The following CCDC181 variants were observed in gnomAD, a reference collection of about 807,000 sequenced individuals.
The protein encoded by CCDC181 is coiled-coil domain containing 181.
Under a neutral mutation model 58.7 loss-of-function variants are expected in CCDC181, and 35 were observed. The observed-to-expected ratio is 0.60, with a 90% CI of 0.46 to 0.79. The LOEUF is 0.79. Ranked by LOEUF, CCDC181 falls within the 30% of genes least tolerant of loss-of-function variation. CCDC181 has a pLI of 0.00. For synonymous variants in CCDC181, 183 were observed against 197.5 expected (o/e 0.93, Z 0.62); for missense variants, 517 against 583.9 (o/e 0.89, Z 1.18).
intron 4 of CCDC181, among the ~76,000 whole-genome samples, chr1:169,405,285 T>C (rs1011618815): frequency 1.3e-5 from 2 of 152,204 alleles, no homozygotes; most frequent in African/African-American, 2.4e-5. Context: ...AATGACTTTC[T>C]TCACAGAATG....
intron 2 of CCDC181, among the ~76,000 whole-genome samples, chr1:169,447,235 C>T (rs1657402010): frequency 6.6e-6 from 1 of 152,132 alleles, no homozygotes. Flanking sequence ...GCCTTAGCCT[C>T]CCGAGTAGCT....
At chr1:169,400,059 G>A (rs1339601886) in intron 4 of CCDC181, among the ~76,000 whole-genome samples, 2 of 152,170 alleles carry the variant, frequency 1.3e-5, no homozygotes, top group Non-Finnish European at 2.9e-5. Context: ...TGTAGAGTGA[G>A]GCTCTGTAAG....
chr1:169,444,369 G>C (rs539884518), intron 2 of CCDC181, among the ~76,000 whole-genome samples: 2 of 152,108 alleles, frequency 1.3e-5, no homozygotes, highest in Non-Finnish European at 2.9e-5. Context: ...TGTTATCCTC[G>C]CATTAATTTT....
At chr1:169,407,009 A>G (rs556970899) in intron 4 of CCDC181, among the ~76,000 whole-genome samples, 2 of 151,534 alleles carry the variant, frequency 1.3e-5, no homozygotes, top group East Asian at 3.9e-4. Flanking sequence ...GTCTTCTAAC[A>G]TACGTAAAAT....
intron 1 of CCDC181, among the ~76,000 whole-genome samples, chr1:169,425,201 C>G (rs1656662721): frequency 6.6e-6 from 1 of 152,054 alleles, no homozygotes; most frequent in African/African-American, 2.4e-5. Context: ...GGTTCCTTTT[C>G]CCTCTCAAGA....
intron 2 of CCDC181, among the ~76,000 whole-genome samples, chr1:169,453,339 A>G (rs1657597595): frequency 2.0e-5 from 3 of 152,124 alleles, no homozygotes; most frequent in Non-Finnish European, 4.4e-5. Context: ...CTACAACATA[A>G]CTACATCTTG....
intron 2 of CCDC181, among the ~76,000 whole-genome samples, chr1:169,445,272 G>A (rs187325508): frequency 6.6e-6 from 1 of 152,284 alleles, no homozygotes; most frequent in Non-Finnish European, 1.5e-5. Flanking sequence ...TTTAGGTGTA[G>A]CGTTTTTGTA....
chr1:169,441,173 A>G (rs1331665946), intron 2 of CCDC181, among the ~76,000 whole-genome samples: 1 of 152,126 alleles, frequency 6.6e-6, no homozygotes, highest in African/African-American at 2.4e-5. Context: ...AGTAGTATAT[A>G]TATTTAAGTC....
intron 2 of CCDC181, chr1:169,443,128 G>A (rs1657282199): frequency 6.6e-6 from 1 of 151,524 alleles, no homozygotes. Flanking sequence ...TCACACCAAA[G>A]GCTGGAGACC....
intron 2 of CCDC181, chr1:169,452,476 C>A: frequency 6.6e-6 from 1 of 152,060 alleles, no homozygotes; most frequent in Non-Finnish European, 1.5e-5. Context: ...AGAAATGGGG[C>A]AGGAGGTAGA....
At chr1:169,396,961 G>T (rs1009440439) in intron 5 of CCDC181, among the ~76,000 whole-genome samples, 4 of 151,888 alleles carry the variant, frequency 2.6e-5, no homozygotes, top group Non-Finnish European at 5.9e-5. Flanking sequence ...AGGTATCAAA[G>T]GCTATCACAC....
At chr1:169,401,759 G>A (rs188633354) in intron 4 of CCDC181, among the ~76,000 whole-genome samples, 91 of 152,314 alleles carry the variant, frequency 6.0e-4, no homozygotes, top group Non-Finnish European at 9.8e-4. Context: ...CCAAAGGAAT[G>A]CAGCTCTTCC....
intron 1 of CCDC181, among the ~76,000 whole-genome samples, chr1:169,425,605 T>G (rs987677156): frequency 2.6e-5 from 4 of 152,134 alleles, no homozygotes; most frequent in South Asian, 2.1e-4. Context: ...CAAGACAAGC[T>G]AAATTGCTTA....
chr1:169,402,989 A>C (rs531638906), intron 4 of CCDC181, among the ~76,000 whole-genome samples: 10 of 148,324 alleles, frequency 6.7e-5, no homozygotes, highest in Non-Finnish European at 1.3e-4. Context: ...AAACAAAAAA[A>C]AAAAAAAGCA....
intron 4 of CCDC181, among the ~76,000 whole-genome samples, chr1:169,402,844 T>A (rs1486384007): frequency 1.3e-5 from 2 of 152,186 alleles, no homozygotes; most frequent in South Asian, 4.1e-4. Context: ...ATGCTCCAAT[T>A]AAAAGACACA....
In CCDC181 at chr1:169,421,597, A is replaced by G. The variant is rs761009394; in HGVS notation, c.834T>C (p.Ala278=). ...GCTCTCCTGTTGATGAGTGAGTGAC[A>G]GCATGAATCTTTGCTGTAGAATCTT... ...KKEDSTAKIH[A]VTHSSTGEPL... Residue 278 remains alanine, a synonymous_variant, in exon 3 of 6, where the codon GCT becomes GCC. Transcript: ENST00000367806. 6.2e-7 allele frequency: 1 copy of G among 1,614,188 alleles called. No homozygotes were observed. Among genetic ancestry groups the G allele is most frequent in the Admixed American group, 1.7e-5 (1 of 60,002 alleles).
intron 4 of CCDC181, among the ~76,000 whole-genome samples, chr1:169,404,590 G>T (rs1212792274): frequency 6.6e-6 from 1 of 152,106 alleles, no homozygotes. Context: ...TGCAGAAAAG[G>T]CCTTCGAAAA....
chr1:169,441,625 A>C (rs1657231112), intron 2 of CCDC181, among the ~76,000 whole-genome samples: 3 of 152,080 alleles, frequency 2.0e-5, no homozygotes, highest in Admixed American at 2.0e-4. Flanking sequence ...AGAACATGTA[A>C]GAACAGGGTG....
At chr1:169,422,873 A>G (rs901404914) in intron 2 of CCDC181, among the ~76,000 whole-genome samples, 1 of 151,744 alleles carries the variant, frequency 6.6e-6, no homozygotes, top group Non-Finnish European at 1.5e-5. Context: ...TTCTTCAACT[A>G]TACTCAGAGA....
Sources: allele counts gnomAD v4.1 joint callset (sites outside exome capture counted in the v4.1 genomes callset), GRCh38; gene constraint gnomAD v4.1.1; transcripts MANE v1.5; gene names NCBI Gene and HGNC (gene_info 2026-07-23, HGNC 2026-07-21).